CDH12: variants seen among roughly 807,000 people sequenced by gnomAD.
The protein encoded by CDH12 is cadherin 12.
Under a neutral mutation model 74.1 loss-of-function variants are expected in CDH12, and 41 were observed. The ratio of observed to expected loss-of-function variants is 0.55; its 90% CI spans 0.43 to 0.72. The LOEUF is 0.72. Ranked by LOEUF, CDH12 falls within the 30% of genes least tolerant of loss-of-function variation. CDH12 has a pLI of 0.00. For synonymous variants in CDH12, 399 were observed against 355.0 expected (o/e 1.12, Z -1.39); for missense variants, 945 against 977.2 (o/e 0.97, Z 0.44).
chr5:22,062,631 GC>G (rs1426283093), intron 5 of CDH12, among the ~76,000 whole-genome samples: 1 of 152,162 alleles, frequency 6.6e-6, no homozygotes, highest in Non-Finnish European at 1.5e-5. Flanking sequence ...CAGAAACAAA[GC>G]TTTGATTTAG....
At chr5:22,533,242 C>G (rs1737674138) in intron 1 of CDH12, among the ~76,000 whole-genome samples, 1 of 152,152 alleles carries the variant, frequency 6.6e-6, no homozygotes, top group South Asian at 2.1e-4. Flanking sequence ...ACAAAACATT[C>G]TGTAAGACAC....
chr5:22,814,617 A>T (rs964973532), intron 1 of CDH12, among the ~76,000 whole-genome samples: 7 of 152,186 alleles, frequency 4.6e-5, no homozygotes, highest in African/African-American at 1.7e-4. Context: ...TACAATCTGA[A>T]AAAAAGCTCT....
At chr5:22,844,448 C>T (rs865886786) in intron 1 of CDH12, among the ~76,000 whole-genome samples, 4 of 152,102 alleles carry the variant, frequency 2.6e-5, no homozygotes, top group South Asian at 4.1e-4. Context: ...TGCTTAAAAA[C>T]TCAAAGATCT....
At chr5:22,200,646 A>G (rs1249649393) in intron 4 of CDH12, among the ~76,000 whole-genome samples, 1 of 152,142 alleles carries the variant, frequency 6.6e-6, no homozygotes, top group Admixed American at 6.5e-5. Context: ...TTGTTACTAT[A>G]CTTTGTGTTC....
At chr5:22,285,038 G>A (rs1580481670) in intron 3 of CDH12, among the ~76,000 whole-genome samples, 1 of 150,448 alleles carries the variant, frequency 6.6e-6, no homozygotes, top group Admixed American at 6.6e-5. Flanking sequence ...CTATTATTGA[G>A]GCTAAAATAA....
chr5:21,940,931 G>T (rs1755302000), intron 6 of CDH12, among the ~76,000 whole-genome samples: 1 of 151,800 alleles, frequency 6.6e-6, no homozygotes, highest in Non-Finnish European at 1.5e-5. Context: ...ATTAATCTGA[G>T]ATTATAACAT....
At chr5:22,460,946 C>T (rs1745486926) in intron 2 of CDH12, among the ~76,000 whole-genome samples, 1 of 150,034 alleles carries the variant, frequency 6.7e-6, no homozygotes, top group Non-Finnish European at 1.5e-5. Context: ...GTCTCAAATT[C>T]CTGACCCCAG....
chr5:21,798,060 A>T (rs552430745), intron 10 of CDH12, among the ~76,000 whole-genome samples: 2 of 151,948 alleles, frequency 1.3e-5, no homozygotes, highest in Non-Finnish European at 2.9e-5. Flanking sequence ...TTTTTTTTCA[A>T]TAACTGTTCA....
intron 10 of CDH12, among the ~76,000 whole-genome samples, chr5:21,797,119 G>A (rs1390514266): frequency 6.6e-6 from 1 of 151,996 alleles, no homozygotes; most frequent in East Asian, 1.9e-4. Flanking sequence ...AAACCTGAGA[G>A]AACCTTTCTT....
intron 3 of CDH12, among the ~76,000 whole-genome samples, chr5:22,307,039 T>A (rs767729566): frequency 2.1e-4 from 32 of 152,200 alleles, no homozygotes; most frequent in Admixed American, 5.9e-4. Flanking sequence ...GGATCTAGCA[T>A]CCCTGATTAT....
At chr5:22,633,492 T>A (rs1738684313) in intron 1 of CDH12, among the ~76,000 whole-genome samples, 1 of 152,210 alleles carries the variant, frequency 6.6e-6, no homozygotes. Flanking sequence ...TATCTCTGAG[T>A]GTGTCTATGA....
intron 3 of CDH12, among the ~76,000 whole-genome samples, chr5:22,331,236 G>A (rs1490209567): frequency 6.6e-6 from 1 of 152,104 alleles, no homozygotes; most frequent in Non-Finnish European, 1.5e-5. Flanking sequence ...GGGGGAGCTT[G>A]CCATTCTAAA....
At chr5:22,566,759 A>T (rs1392206797) in intron 1 of CDH12, among the ~76,000 whole-genome samples, 1 of 152,180 alleles carries the variant, frequency 6.6e-6, no homozygotes, top group East Asian at 1.9e-4. Context: ...TAACCAGTTT[A>T]GACCCAAAAC....
At chr5:22,185,361 G>C (rs1351224007) in intron 4 of CDH12, among the ~76,000 whole-genome samples, 1 of 152,016 alleles carries the variant, frequency 6.6e-6, no homozygotes, top group African/African-American at 2.4e-5. Flanking sequence ...TCCATGCCTG[G>C]CTAATTTTTT....
chr5:22,168,185 T>C (rs2150325506), intron 4 of CDH12, among the ~76,000 whole-genome samples: 1 of 152,262 alleles, frequency 6.6e-6, no homozygotes, highest in East Asian at 1.9e-4. Flanking sequence ...TGGAATAATG[T>C]GCTATATGTT....
At chr5:22,851,197 T>G (rs1737540846) in intron 1 of CDH12, among the ~76,000 whole-genome samples, 1 of 151,686 alleles carries the variant, frequency 6.6e-6, no homozygotes, top group Admixed American at 6.6e-5. Flanking sequence ...TCACACTCCC[T>G]CCCCCTCCCC....
intron 3 of CDH12, among the ~76,000 whole-genome samples, chr5:22,338,299 A>G (rs1381475268): frequency 1.3e-5 from 2 of 152,166 alleles, no homozygotes; most frequent in African/African-American, 4.8e-5. Flanking sequence ...AGGTGATTAT[A>G]TTAGGTGAAA....
chr5:22,117,273 C>T (rs1373850565), intron 4 of CDH12, among the ~76,000 whole-genome samples: 1 of 149,396 alleles, frequency 6.7e-6, no homozygotes. Flanking sequence ...AAGTTGAAGA[C>T]AAAGAGCCAG....
chr5:22,301,255 C>T (rs542316258), intron 3 of CDH12, among the ~76,000 whole-genome samples: 25 of 152,042 alleles, frequency 1.6e-4, no homozygotes, highest in Non-Finnish European at 3.2e-4. Context: ...TCCCAAGACA[C>T]TTTCTACCAA....
Sources: allele counts gnomAD v4.1 joint callset (sites outside exome capture counted in the v4.1 genomes callset), GRCh38; gene constraint gnomAD v4.1.1; transcripts MANE v1.5; gene names NCBI Gene and HGNC (gene_info 2026-07-23, HGNC 2026-07-21).